Variants in PRR16 observed in about 807,000 individuals in gnomAD.
The protein encoded by PRR16 is protein Largen.
In PRR16, 6 loss-of-function variants were observed where a neutral mutation model predicts 18.2. That is an observed-to-expected ratio of 0.33 (90% confidence interval 0.18 to 0.65). PRR16 has a LOEUF of 0.65. Among genes scored for constraint, PRR16 ranks in the 30% least tolerant of loss-of-function variants. The probability of loss-of-function intolerance (pLI) is 0.74; values close to 1 mark genes in which losing one functional copy is unlikely to be tolerated. For missense variants in PRR16, 412 were observed against 376.6 expected, an observed-to-expected ratio of 1.09 and a Z score of -0.78; for synonymous variants, 151 against 147.8, an observed-to-expected ratio of 1.02 and a Z score of -0.16.
At chr5:120,502,224 C>T (rs1037754160) in intron 1 of PRR16, among the ~76,000 whole-genome samples, 2 of 150,900 alleles carry the variant, frequency 1.3e-5, no homozygotes, top group African/African-American at 2.4e-5. Flanking sequence ...TCAGAATATC[C>T]ATAACAGTTT....
chr5:120,607,463 G>A (rs1232967686), intron 1 of PRR16, among the ~76,000 whole-genome samples: 1 of 152,158 alleles, frequency 6.6e-6, no homozygotes, highest in Non-Finnish European at 1.5e-5. Context: ...ATATAAAGAA[G>A]ATTTCATTTG....
Position 120,512,808 on chromosome 5 carries a change from G to A in PRR16, c.159+48163G>A, listed in dbSNP as rs368109523. On this transcript the variant is annotated intron_variant, in intron 1 of 1. Coordinates refer to ENST00000407149, the MANE Select transcript of PRR16 (RefSeq NM_001300783.2). Reference sequence around the variant, plus strand: ...AGTGAGAGTATAGAAGCTTTACTGGGGAGGGAAAGCAAGTACACACTCAAG... The same window carrying A: ...AGTGAGAGTATAGAAGCTTTACTGGAGAGGGAAAGCAAGTACACACTCAAG... Among the ~76,000 whole-genome samples the A allele has an allele frequency of 7.2e-5, 11 of 152,074 alleles. No homozygotes were observed. In the South Asian group the frequency reaches 8.3e-4, roughly 11 times the overall value.
At chr5:120,517,663 A>G (rs941795008) in intron 1 of PRR16, among the ~76,000 whole-genome samples, 3 of 152,058 alleles carry the variant, frequency 2.0e-5, no homozygotes, top group Non-Finnish European at 4.4e-5. Flanking sequence ...TTCTTTTTCG[A>G]CAGTAGAGCT....
intron 1 of PRR16, among the ~76,000 whole-genome samples, chr5:120,568,978 C>G (rs1420280387): frequency 6.6e-6 from 1 of 152,008 alleles, no homozygotes; most frequent in Non-Finnish European, 1.5e-5. Context: ...TTTTTATGCC[C>G]CAACTTCTAA....
intron 1 of PRR16, among the ~76,000 whole-genome samples, chr5:120,486,950 T>G (rs1283851160): frequency 1.3e-5 from 2 of 152,176 alleles, no homozygotes; most frequent in Non-Finnish European, 2.9e-5. Flanking sequence ...AAAGATCAGA[T>G]AGTTGTAGAT....
the PRR16 span, among the ~76,000 whole-genome samples, chr5:120,769,287 C>T: frequency 6.6e-6 from 1 of 151,736 alleles, no homozygotes; most frequent in Non-Finnish European, 1.5e-5. Flanking sequence ...GATACCATCA[C>T]CAGTAATGGC....
At chr5:120,654,562 CAA>C (rs1755902961) in intron 1 of PRR16, among the ~76,000 whole-genome samples, 2 of 151,488 alleles carry the variant, frequency 1.3e-5, no homozygotes, top group African/African-American at 4.8e-5. Flanking sequence ...AAAAAAATCT[CAA>C]ATTATCTTCC....
At chr5:120,470,972 T>C (rs905969998) in intron 1 of PRR16, among the ~76,000 whole-genome samples, 1 of 152,176 alleles carries the variant, frequency 6.6e-6, no homozygotes, top group Non-Finnish European at 1.5e-5. Flanking sequence ...CAATTCATAT[T>C]GCCAAACTGT....
intron 1 of PRR16, 147 bp from the exon 2 acceptor site, chr5:120,685,807 G>T: frequency 1.3e-6 from 1 of 758,696 alleles, no homozygotes; most frequent in Non-Finnish European, 2.1e-6. Context: ...TAAATTTATT[G>T]ACTGAAAACA....
intron 1 of PRR16, among the ~76,000 whole-genome samples, chr5:120,616,749 TGG>T (rs1754523230): frequency 6.6e-6 from 1 of 152,168 alleles, no homozygotes; most frequent in Non-Finnish European, 1.5e-5. Flanking sequence ...GATGAGTCAG[TGG>T]TAACCTACAA....
chr5:120,607,398 A>G (rs558893915), intron 1 of PRR16, among the ~76,000 whole-genome samples: 1 of 152,148 alleles, frequency 6.6e-6, no homozygotes, highest in Non-Finnish European at 1.5e-5. Flanking sequence ...ACTAAAACAA[A>G]CTTTTTATGT....
intron 1 of PRR16, among the ~76,000 whole-genome samples, chr5:120,499,348 C>T (rs1243063916): frequency 1.3e-5 from 2 of 151,714 alleles, no homozygotes; most frequent in African/African-American, 4.8e-5. Flanking sequence ...TAAGCCCTAC[C>T]CTCTTTCTCA....
At chr5:120,718,984 G>A in the PRR16 span, among the ~76,000 whole-genome samples, 1 of 152,016 alleles carries the variant, frequency 6.6e-6, no homozygotes, top group Non-Finnish European at 1.5e-5. Context: ...GTCAGAGATA[G>A]TACAGCTGAG....
Position 120,617,833 on chromosome 5 carries a change from A to G in PRR16, c.160-68121A>G, listed in dbSNP as rs977448724. Among the ~76,000 whole-genome samples the G allele has an allele frequency of 7.9e-5, 12 of 152,296 alleles. No homozygotes were observed. In the East Asian group the frequency reaches 1.5e-3, roughly 20 times the overall value. On this transcript the variant is annotated intron_variant, in intron 1 of 1. Coordinates refer to ENST00000407149, the MANE Select transcript of PRR16 (RefSeq NM_001300783.2). The stretch of plus-strand genomic sequence containing the variant: ...GGTTATGCCATATGTGACCATAAGA[A>G]CGATCATTACCTTTAACAGCTGTGA...
the PRR16 span, among the ~76,000 whole-genome samples, chr5:120,788,026 C>T: frequency 6.6e-6 from 1 of 151,908 alleles, no homozygotes; most frequent in Non-Finnish European, 1.5e-5. Context: ...ACCCTTATTT[C>T]ATAACTAGTA....
At chr5:120,706,760 A>T in the PRR16 span, among the ~76,000 whole-genome samples, 1 of 152,236 alleles carries the variant, frequency 6.6e-6, no homozygotes, top group African/African-American at 2.4e-5. Context: ...AAATTGTTTC[A>T]AGAGAAGTTA....
chr5:120,769,802 C>T, the PRR16 span, among the ~76,000 whole-genome samples: 9 of 151,886 alleles, frequency 5.9e-5, no homozygotes, highest in Non-Finnish European at 1.2e-4. Flanking sequence ...TCTCTAATGA[C>T]TGTACCAATT....
rs140678116 is a variant in PRR16 at position 120,497,276 on chromosome 5, G to A, written c.159+32631G>A. 1.1e-3 allele frequency among the ~76,000 whole-genome samples: 163 copies of A among 148,846 alleles called. 1 individual carries two copies. Among genetic ancestry groups the A allele is most frequent in the African/African-American group, 3.7e-3 (150 of 40,490 alleles). ...CTTGCTGTATGTTTCTAGTTACCCC[G>A]TCAGTTTTGAGGAAGGAATGTTGAA... is the stretch of plus-strand genomic sequence containing the variant. On this transcript the variant is annotated intron_variant, in intron 1 of 1. Transcript: ENST00000407149.
At chr5:120,573,740 C>T (rs541279703) in intron 1 of PRR16, among the ~76,000 whole-genome samples, 1 of 152,244 alleles carries the variant, frequency 6.6e-6, no homozygotes, top group African/African-American at 2.4e-5. Context: ...CTCAAAATGT[C>T]TGCAGCCATG....
Sources: allele counts gnomAD v4.1 joint callset (sites outside exome capture counted in the v4.1 genomes callset), GRCh38; gene constraint gnomAD v4.1.1; transcripts MANE v1.5; gene names NCBI Gene and HGNC (gene_info 2026-07-23, HGNC 2026-07-21).